The following CDCA2 variants were observed in gnomAD, a reference collection of about 807,000 sequenced individuals.
The protein encoded by CDCA2 is cell division cycle associated 2, also known as cell division cycle-associated protein 2.
CDCA2 carries 44 observed loss-of-function variants against 67.0 expected under a neutral mutation model. The observed-to-expected ratio is 0.66, with a 90% CI of 0.52 to 0.84. CDCA2 has a LOEUF of 0.84. CDCA2 is among the 40% of genes least tolerant of loss of function. CDCA2 has a pLI of 0.00. For missense variants in CDCA2, 1,253 were observed against 1,203.2 expected, an observed-to-expected ratio of 1.04 and a Z score of -0.61; for synonymous variants, 447 against 418.7, an observed-to-expected ratio of 1.07 and a Z score of -0.82.
chr8:25,483,500 A>T lies in CDCA2; in HGVS notation c.1120+14A>T. 2 of 1,578,338 alleles carry T rather than the reference A, an allele frequency of 1.3e-6. No individual in the cohort carries two copies. The highest frequency in any genetic ancestry group is 1.7e-6 in the Non-Finnish European group (2 of 1,153,118). The stretch of plus-strand genomic sequence containing the variant: ...AGAAAGAAGCAGGTAAGAAATTCAT[A>T]CTTGTTTTTAAGCTTGAGGATATCA... On this transcript the variant is annotated intron_variant, in intron 9 of 14. Coordinates refer to ENST00000330560, the MANE Select transcript of CDCA2 (RefSeq NM_152562.4).
At chr8:25,495,731 A>T (rs1804196567) in intron 13 of CDCA2, among the ~76,000 whole-genome samples, 1 of 152,106 alleles carries the variant, frequency 6.6e-6, no homozygotes, top group Non-Finnish European at 1.5e-5. Flanking sequence ...TATAAGGGGG[A>T]TAAATCTTAA....
chr8:25,466,886 TACAAAATTA>T, intron 5 of CDCA2, among the ~76,000 whole-genome samples: 1 of 151,518 alleles, frequency 6.6e-6, no homozygotes, highest in South Asian at 2.1e-4. Flanking sequence ...CTACTAAAAA[TACAAAATTA>T]GCCAGGCGTG....
intron 3 of CDCA2, 109 bp from the exon 4 acceptor site, chr8:25,461,945 G>A (rs1802706378): frequency 9.2e-7 from 1 of 1,083,694 alleles, no homozygotes; most frequent in East Asian, 2.4e-5. Flanking sequence ...GTTTTTTGTA[G>A]CACATGTTTA....
intron 13 of CDCA2, among the ~76,000 whole-genome samples, chr8:25,492,898 T>C (rs1399569612): frequency 6.6e-6 from 1 of 152,194 alleles, no homozygotes; most frequent in African/African-American, 2.4e-5. Flanking sequence ...GAGTGCAGAC[T>C]CTGGACCAGA....
At chr8:25,473,060 A>G (rs1324222502) in intron 7 of CDCA2, among the ~76,000 whole-genome samples, 5 of 152,164 alleles carry the variant, frequency 3.3e-5, no homozygotes, top group Non-Finnish European at 7.3e-5. Flanking sequence ...TCTTTACTTC[A>G]ATAAATTCAA....
At chr8:25,467,214 G>C (rs1054574160) in intron 5 of CDCA2, among the ~76,000 whole-genome samples, 1 of 150,862 alleles carries the variant, frequency 6.6e-6, no homozygotes. Context: ...ACAAAATCTT[G>C]GTCTTACTGT....
intron 13 of CDCA2, among the ~76,000 whole-genome samples, chr8:25,493,413 G>T (rs1386246049): frequency 6.6e-6 from 1 of 152,140 alleles, no homozygotes; most frequent in Non-Finnish European, 1.5e-5. Context: ...GAGGGCAAAG[G>T]ATTGGTGAAT....
chr8:25,476,185 AT>A (rs1437602016), intron 7 of CDCA2, among the ~76,000 whole-genome samples: 2 of 152,120 alleles, frequency 1.3e-5, no homozygotes, highest in African/African-American at 4.8e-5. Context: ...TGCTCATTGG[AT>A]TTCTCTGGGA....
At chr8:25,487,416 G>A (rs1803821893) in intron 12 of CDCA2, 82 bp downstream of exon 12, 1 of 889,036 alleles carries the variant, frequency 1.1e-6, no homozygotes, top group Admixed American at 2.1e-5. Context: ...AATGATAATG[G>A]GTGAAATCTT....
chr8:25,496,469 A>G (rs1055592886), intron 13 of CDCA2, among the ~76,000 whole-genome samples: 1 of 152,200 alleles, frequency 6.6e-6, no homozygotes, highest in South Asian at 2.1e-4. Context: ...TAAAAGGCTG[A>G]TGTGACATAG....
At chr8:25,462,945 A>G (rs746292112) in intron 4 of CDCA2, among the ~76,000 whole-genome samples, 1 of 152,226 alleles carries the variant, frequency 6.6e-6, no homozygotes, top group Non-Finnish European at 1.5e-5. Flanking sequence ...CTGGGGTTAC[A>G]GGTGTGTGCC....
intron 13 of CDCA2, among the ~76,000 whole-genome samples, chr8:25,501,440 T>C (rs1463377752): frequency 1.3e-5 from 2 of 152,254 alleles, no homozygotes; most frequent in Non-Finnish European, 1.5e-5. Flanking sequence ...CCTTCATTGC[T>C]TTCATTCAAG....
In CDCA2 at chr8:25,507,541, A is replaced by G. The variant is rs1380683388; in HGVS notation, c.2875A>G (p.Asn959Asp). ...QMAPPVSDPE[N>D]SQGPAAGSSD... ...GGCACCTCCCGTCTCAGATCCAGAA[A>G]ACAGCCAGGGCCCTGCTGCTGGTTC... The change falls in exon 15 of 15, where the codon AAC becomes GAC. Residue 959 changes from asparagine (N) to aspartate (D), a missense_variant. Physicochemically the swap from Asn to Asp is conservative, Grantham distance 23 (BLOSUM62 1). Coordinates refer to ENST00000330560, the MANE Select transcript of CDCA2 (RefSeq NM_152562.4). The G allele has an allele frequency of 2.5e-6, 4 of 1,614,020 alleles. No homozygotes were observed. The highest frequency in any genetic ancestry group is 3.4e-6 in the Non-Finnish European group (4 of 1,180,004).
At chr8:25,468,138 A>G in intron 5 of CDCA2, 79 bp from the exon 6 acceptor site, 1 of 575,872 alleles carries the variant, frequency 1.7e-6, no homozygotes, top group East Asian at 5.2e-5. Context: ...AAAAAAAAAA[A>G]AGAAAAGAAA....
At chr8:25,468,135 A>AAG (rs1802993166) in intron 5 of CDCA2, 82 bp from the exon 6 acceptor site, 4 of 566,768 alleles carry the variant, frequency 7.1e-6, no homozygotes, top group Non-Finnish European at 9.5e-6. Flanking sequence ...AAAAAAAAAA[A>AAG]AAAAGAAAAG....
intron 3 of CDCA2, 98 bp from the exon 4 acceptor site, chr8:25,461,956 T>C: frequency 8.4e-7 from 1 of 1,184,850 alleles, no homozygotes; most frequent in Non-Finnish European, 1.2e-6. Context: ...CACATGTTTA[T>C]CATGTTTTCT....
At chr8:25,493,965 T>C (rs969655996) in intron 13 of CDCA2, among the ~76,000 whole-genome samples, 3 of 152,240 alleles carry the variant, frequency 2.0e-5, no homozygotes, top group Non-Finnish European at 2.9e-5. Context: ...CAGCATTCTT[T>C]GTAAAGCAAA....
intron 11 of CDCA2, among the ~76,000 whole-genome samples, 153 bp from the exon 12 acceptor site, chr8:25,487,093 A>T (rs1312703641): frequency 6.9e-6 from 1 of 144,730 alleles, no homozygotes; most frequent in Non-Finnish European, 1.5e-5. Flanking sequence ...AAAAAAAAAA[A>T]TTGGATTTCA....
intron 13 of CDCA2, among the ~76,000 whole-genome samples, chr8:25,497,376 C>G (rs1319852491): frequency 6.6e-6 from 1 of 151,866 alleles, no homozygotes; most frequent in Non-Finnish European, 1.5e-5. Context: ...AAATGCTATT[C>G]AGCCTTAAAG....
Sources: gnomAD v4.1 joint callset for allele counts (sites outside exome capture counted in the v4.1 genomes callset) on GRCh38, gnomAD v4.1.1 for gene constraint, MANE v1.5 for transcripts, NCBI Gene and HGNC (gene_info 2026-07-23, HGNC 2026-07-21) for gene names.